INTS6: variants seen among roughly 807,000 people sequenced by gnomAD.
INTS6 encodes the protein DEAD box protein.
INTS6 carries 16 observed loss-of-function variants against 104.9 expected under a neutral mutation model. That is an observed-to-expected ratio of 0.15 (90% confidence interval 0.10 to 0.23). INTS6 has a LOEUF of 0.23. Ranked by LOEUF, INTS6 falls within the 10% of genes least tolerant of loss-of-function variation. INTS6 has a pLI of 1.00. For missense variants in INTS6, 584 were observed against 1,062.8 expected, an observed-to-expected ratio of 0.55 and a Z score of 6.26; for synonymous variants, 324 against 358.7, an observed-to-expected ratio of 0.90 and a Z score of 1.09.
At chr13:51,418,721 G>C (rs1161492635) in intron 4 of INTS6, among the ~76,000 whole-genome samples, 1 of 152,074 alleles carries the variant, frequency 6.6e-6, no homozygotes, top group Non-Finnish European at 1.5e-5. Flanking sequence ...TATTTGTTCA[G>C]AGGAAAGAGC....
At chr13:51,412,592 G>A (rs552449612) in intron 4 of INTS6, among the ~76,000 whole-genome samples, 19 of 152,258 alleles carry the variant, frequency 1.2e-4, no homozygotes, top group African/African-American at 3.9e-4. Flanking sequence ...AGTACTACAG[G>A]TAATTCTTGG....
chr13:51,395,542 C>A, intron 4 of INTS6, 59 bp from the exon 5 acceptor site: 1 of 1,462,818 alleles, frequency 6.8e-7, no homozygotes, highest in Non-Finnish European at 9.2e-7. Flanking sequence ...TTCAAAAAGC[C>A]TACTTTAATT....
intron 6 of INTS6, among the ~76,000 whole-genome samples, chr13:51,388,036 C>G (rs1956171079): frequency 6.6e-6 from 1 of 152,112 alleles, no homozygotes; most frequent in African/African-American, 2.4e-5. Flanking sequence ...CAAATCTAGA[C>G]CAAAGCACCT....
intron 4 of INTS6, among the ~76,000 whole-genome samples, chr13:51,420,076 TATCTGGCCCTTCAAAGAAA>T (rs895036118): frequency 1.3e-5 from 2 of 152,228 alleles, no homozygotes; most frequent in African/African-American, 2.4e-5. Flanking sequence ...AAATGTTCAC[TATCTGGCCCTTCAAAGAAA>T]ATGTTTGCTG....
intron 4 of INTS6, among the ~76,000 whole-genome samples, chr13:51,402,271 T>C (rs2137994569): frequency 6.6e-6 from 1 of 152,310 alleles, no homozygotes; most frequent in South Asian, 2.1e-4. Flanking sequence ...TATTATCCCC[T>C]TTTCAGAGAT....
Position 51,440,775 on chromosome 13 carries a change from T to C in INTS6, c.339+10250A>G, listed in dbSNP as rs549661602. 25 of 152,316 alleles carry C rather than the reference T, an allele frequency of 1.6e-4. 1 individual carries two copies. The South Asian group carries it at 5.2e-3, about 32-fold the overall frequency. 9.4% of individuals were successfully genotyped at this position (152,316 alleles called of 1,614,324 possible). On this transcript the variant is annotated intron_variant, in intron 3 of 17. Transcript: ENST00000311234. The stretch of plus-strand genomic sequence containing the variant: ...TCATATACCATATAGCCTAGGGGTA[T>C]AGTCATCTATCCCATCTAGGTTTCT...
intron 4 of INTS6, among the ~76,000 whole-genome samples, chr13:51,423,893 ATT>A (rs1268764616): frequency 1.3e-5 from 2 of 152,096 alleles, no homozygotes; most frequent in African/African-American, 4.8e-5. Context: ...TAGTTTCTAA[ATT>A]TGACTGTACA....
In INTS6 at chr13:51,361,713, C is replaced by T; in HGVS notation, c.*4039G>A. On this transcript the variant is annotated 3_prime_UTR_variant, in exon 18 of 18. Coordinates refer to ENST00000311234, the MANE Select transcript of INTS6 (RefSeq NM_012141.3). ...TAAACAATCAAATGCCATTAGGATG[C>T]TTTGATTTCTTAAAAAATTAACTTA... is the stretch of plus-strand genomic sequence containing the variant. The T allele has an allele frequency of 9.2e-7, 1 of 1,089,608 alleles. No homozygotes were observed. The highest frequency in any genetic ancestry group is 3.0e-5 in the Admixed American group (1 of 33,866). The allele number at this position is 1,089,608 out of a possible 1,614,324, so 67.5% of individuals were successfully genotyped here. A position where few individuals can be genotyped will look rare whatever the true frequency, so the allele number is the denominator to read the frequency against.
intron 4 of INTS6, among the ~76,000 whole-genome samples, chr13:51,408,961 A>T (rs1302332738): frequency 1.3e-5 from 2 of 152,196 alleles, no homozygotes; most frequent in African/African-American, 4.8e-5. Flanking sequence ...GCATAAAATT[A>T]TCTAGGCAGC....
chr13:51,343,921 A>G, the INTS6 span, among the ~76,000 whole-genome samples: 3,811 of 152,254 alleles, frequency 0.025, 62 homozygotes, highest in South Asian at 0.056. Context: ...CTCTACTCCA[A>G]CACACATCAA....
At position 51,395,382 on chromosome 13, in the gene INTS6, G is replaced by T. The variant is rs1268475356; in HGVS notation, c.531C>A (p.Gly177=). ...ACTGTTCTGATTCTACTGACATGGT[G>T]CCAGGCAACCGCAACACTAATGCAA... ...RLFALVLRLP[G]TMSVESEQLT... is the part of the protein sequence containing the mutation. Residue 177 remains glycine (G), a synonymous_variant, in exon 5 of 18, where the codon GGC becomes GGA. Coordinates refer to ENST00000311234, the MANE Select transcript of INTS6 (RefSeq NM_012141.3). 6.2e-7 allele frequency: 1 copy of T among 1,613,952 alleles called. No individual in the cohort carries two copies. Among genetic ancestry groups the T allele is most frequent in the East Asian group, 2.2e-5 (1 of 44,856 alleles).
chr13:51,371,806 T>G (rs553158686), intron 15 of INTS6, among the ~76,000 whole-genome samples: 1 of 152,046 alleles, frequency 6.6e-6, no homozygotes, highest in African/African-American at 2.4e-5. Flanking sequence ...CTCACAGAGC[T>G]CGGAAGAAAA....
intron 9 of INTS6, among the ~76,000 whole-genome samples, chr13:51,382,326 C>T (rs1425133168): frequency 6.6e-6 from 1 of 152,180 alleles, no homozygotes; most frequent in Non-Finnish European, 1.5e-5. Flanking sequence ...AAAGTACATG[C>T]AGGAATTAAG....
chr13:51,354,955 A>C (rs1955457068), intron 3 of INTS6: 1 of 676,210 alleles, frequency 1.5e-6, no homozygotes, highest in Admixed American at 2.6e-5. Context: ...CCTGACTTCC[A>C]AGTTAGGGAT....
chr13:51,364,551 G>A lies in INTS6; in HGVS notation c.*1201C>T. On this transcript the variant is annotated 3_prime_UTR_variant, in exon 18 of 18. Coordinates refer to ENST00000311234, the MANE Select transcript of INTS6 (RefSeq NM_012141.3). ...AGCAGTGATCATGAATGGTGAGTGA[G>A]TCAGGCCATAAGATTGCTTCCTCAG... 3.1e-6 allele frequency: 1 copy of A among 326,554 alleles called. No homozygotes were observed. The allele number at this position is 326,554 out of a possible 1,614,324, so 20.2% of individuals were successfully genotyped here. A position where few individuals can be genotyped will look rare whatever the true frequency, so the allele number is the denominator to read the frequency against.
At chr13:51,433,641 T>A (rs970847339) in intron 3 of INTS6, among the ~76,000 whole-genome samples, 3 of 152,230 alleles carry the variant, frequency 2.0e-5, no homozygotes, top group African/African-American at 7.2e-5. Context: ...TAAAGGCCCA[T>A]GTCTACAAAA....
chr13:51,397,283 G>T (rs747511746), intron 4 of INTS6, among the ~76,000 whole-genome samples: 2 of 152,120 alleles, frequency 1.3e-5, no homozygotes, highest in African/African-American at 2.4e-5. Flanking sequence ...ATTCTAGGAA[G>T]AGTTTTCCTA....
At chr13:51,435,317 CTACT>C (rs1182998742) in intron 3 of INTS6, among the ~76,000 whole-genome samples, 3 of 151,932 alleles carry the variant, frequency 2.0e-5, no homozygotes, top group Admixed American at 6.6e-5. Context: ...AGCTCTAGAG[CTACT>C]TACTAACAGG....
intron 16 of INTS6, 152 bp downstream of exon 16, chr13:51,368,787 A>G (rs900067588): frequency 2.6e-6 from 2 of 778,108 alleles, no homozygotes; most frequent in Admixed American, 6.4e-5. Flanking sequence ...GGTGTTGGTC[A>G]GATGAATAAA....
Sources: allele counts gnomAD v4.1 joint callset (sites outside exome capture counted in the v4.1 genomes callset), GRCh38; gene constraint gnomAD v4.1.1; transcripts MANE v1.5; gene names NCBI Gene and HGNC (gene_info 2026-07-23, HGNC 2026-07-21).